SNTB1: variants seen among roughly 807,000 people sequenced by gnomAD.
SNTB1 encodes syntrophin beta 1.
In SNTB1, 36 loss-of-function variants were observed where a neutral mutation model predicts 48.9. That is an observed-to-expected ratio of 0.74 (90% CI 0.56 to 0.97). The LOEUF (loss-of-function observed/expected upper bound fraction) is 0.97. SNTB1 is among the 50% of genes least tolerant of loss of function. The pLI, the probability that SNTB1 is intolerant of heterozygous loss-of-function variation, is 0.00. For synonymous variants in SNTB1, 299 were observed against 294.6 expected (o/e 1.01, Z -0.15); for missense variants, 786 against 703.4 (o/e 1.12, Z -1.33).
At chr8:120,676,906 A>G (rs551239457) in intron 2 of SNTB1, among the ~76,000 whole-genome samples, 1 of 152,114 alleles carries the variant, frequency 6.6e-6, no homozygotes, top group Admixed American at 6.5e-5. Context: ...AAATAATTTC[A>G]AAAATTAGCT....
intron 3 of SNTB1, among the ~76,000 whole-genome samples, chr8:120,605,101 C>A (rs938250497): frequency 1.3e-5 from 2 of 152,154 alleles, no homozygotes; most frequent in African/African-American, 4.8e-5. Context: ...TATTCCTACA[C>A]CAATGTGCCT....
chr8:120,566,040 A>C (rs773662382), intron 4 of SNTB1, among the ~76,000 whole-genome samples: 3 of 152,138 alleles, frequency 2.0e-5, no homozygotes, highest in Non-Finnish European at 4.4e-5. Context: ...GGCCTATTAA[A>C]ATACAAAAAT....
At chr8:120,562,210 T>C (rs1412900898) in intron 4 of SNTB1, among the ~76,000 whole-genome samples, 1 of 152,238 alleles carries the variant, frequency 6.6e-6, no homozygotes, top group Non-Finnish European at 1.5e-5. Context: ...ATGCTTAATA[T>C]TTACATATGC....
chr8:120,808,157 C>A (rs766523092), intron 1 of SNTB1, among the ~76,000 whole-genome samples: 2 of 152,252 alleles, frequency 1.3e-5, no homozygotes, highest in South Asian at 4.1e-4. Context: ...TTGTGATCTG[C>A]CCACCTCAGC....
At chr8:120,621,777 C>T (rs1349119335) in intron 3 of SNTB1, among the ~76,000 whole-genome samples, 5 of 152,092 alleles carry the variant, frequency 3.3e-5, no homozygotes, top group African/African-American at 4.8e-5. Context: ...TCCTTTCATG[C>T]ACCCCCAGGT....
chr8:120,744,082 A>G (rs916007734), intron 1 of SNTB1, among the ~76,000 whole-genome samples: 1 of 149,774 alleles, frequency 6.7e-6, no homozygotes, highest in African/African-American at 2.4e-5. Context: ...GTGAGCTAAG[A>G]TCGTGCCACT....
At chr8:120,692,476 A>C (rs1367520409) in intron 2 of SNTB1, among the ~76,000 whole-genome samples, 1 of 151,964 alleles carries the variant, frequency 6.6e-6, no homozygotes, top group Non-Finnish European at 1.5e-5. Flanking sequence ...CGCTTTCTTT[A>C]TTTCTCTTAT....
intron 3 of SNTB1, among the ~76,000 whole-genome samples, chr8:120,590,108 C>G (rs1311363636): frequency 1.3e-5 from 2 of 152,160 alleles, no homozygotes; most frequent in African/African-American, 2.4e-5. Flanking sequence ...TCCTACACTG[C>G]AAAGAATCTG....
intron 1 of SNTB1, among the ~76,000 whole-genome samples, chr8:120,734,620 G>T (rs1458089832): frequency 6.6e-6 from 1 of 152,152 alleles, no homozygotes; most frequent in Non-Finnish European, 1.5e-5. Flanking sequence ...TGGAAATAAT[G>T]CTCCTGGGTT....
At chr8:120,614,669 T>C (rs1330554825) in intron 3 of SNTB1, among the ~76,000 whole-genome samples, 1 of 152,182 alleles carries the variant, frequency 6.6e-6, no homozygotes, top group Non-Finnish European at 1.5e-5. Flanking sequence ...CCCTTGGTAA[T>C]AAAAGCCATT....
intron 1 of SNTB1, among the ~76,000 whole-genome samples, chr8:120,718,121 T>C (rs1448152184): frequency 6.6e-6 from 1 of 152,234 alleles, no homozygotes; most frequent in Non-Finnish European, 1.5e-5. Flanking sequence ...TTCTGCACCC[T>C]GGAATTGTCT....
chr8:120,718,134 T>C (rs1818595003), intron 1 of SNTB1, among the ~76,000 whole-genome samples: 1 of 152,216 alleles, frequency 6.6e-6, no homozygotes, highest in African/African-American at 2.4e-5. Flanking sequence ...AATTGTCTAA[T>C]TGGTGTGATG....
At chr8:120,743,401 G>T (rs1387961801) in intron 1 of SNTB1, among the ~76,000 whole-genome samples, 1 of 152,154 alleles carries the variant, frequency 6.6e-6, no homozygotes, top group Non-Finnish European at 1.5e-5. Context: ...TGACATTCTT[G>T]ATATCTGGCC....
intron 1 of SNTB1, among the ~76,000 whole-genome samples, chr8:120,764,453 G>T (rs1398731231): frequency 6.6e-6 from 1 of 152,136 alleles, no homozygotes; most frequent in East Asian, 1.9e-4. Flanking sequence ...TTAAATAGTG[G>T]GTAGTCACAG....
At chr8:120,682,906 G>C (rs1016504148) in intron 2 of SNTB1, among the ~76,000 whole-genome samples, 1 of 143,242 alleles carries the variant, frequency 7.0e-6, no homozygotes, top group Non-Finnish European at 1.5e-5. Flanking sequence ...TTTTGAGATG[G>C]GGACTCGCTC....
At chr8:120,753,697 T>A (rs1819261528) in intron 1 of SNTB1, among the ~76,000 whole-genome samples, 1 of 152,136 alleles carries the variant, frequency 6.6e-6, no homozygotes, top group Non-Finnish European at 1.5e-5. Context: ...ATCAGGTGTG[T>A]GCGGTCAGCA....
chr8:120,604,819 C>T (rs1338648993), intron 3 of SNTB1, among the ~76,000 whole-genome samples: 2 of 152,168 alleles, frequency 1.3e-5, no homozygotes, highest in Non-Finnish European at 2.9e-5. Context: ...AAAGACTGAA[C>T]TATATAGCTC....
chr8:120,799,616 G>A (rs1820182440), intron 1 of SNTB1, among the ~76,000 whole-genome samples: 1 of 151,922 alleles, frequency 6.6e-6, no homozygotes, highest in African/African-American at 2.4e-5. Context: ...GAAAAGTGGA[G>A]AAATAGCAAC....
rs1010648049 is a variant in SNTB1, at chr8:120,603,390, C to T, written c.997-28165G>A. ...TGCTGGGATTACAGGCGTGAGCCAC[C>T]GCGCCCAGCTACCCTAGATTTTTAG... On this transcript the variant is annotated intron_variant, in intron 3 of 6. Coordinates refer to ENST00000517992, the MANE Select transcript of SNTB1 (RefSeq NM_021021.4). 3.9e-5 allele frequency among the ~76,000 whole-genome samples: 6 copies of T among 152,190 alleles called. No individual in the cohort carries two copies. In the South Asian group the frequency reaches 6.2e-4, roughly 16 times the overall value.
Sources: gnomAD v4.1 joint callset for allele counts (sites outside exome capture counted in the v4.1 genomes callset) on GRCh38, gnomAD v4.1.1 for gene constraint, MANE v1.5 for transcripts, NCBI Gene and HGNC (gene_info 2026-07-23, HGNC 2026-07-21) for gene names.